Variants in DPP6 observed in about 807,000 individuals in gnomAD.
The protein encoded by DPP6 is A-type potassium channel modulatory protein DPP6.
Under a neutral mutation model 122.6 loss-of-function variants are expected in DPP6, and 69 were observed. The observed-to-expected ratio is 0.56, with a 90% CI of 0.46 to 0.69. The LOEUF is 0.69. Ranked by LOEUF, DPP6 falls within the 30% of genes least tolerant of loss-of-function variation. The pLI is 0.00. For missense variants in DPP6, 928 were observed against 1,116.9 expected (o/e 0.83, Z 2.41); for synonymous variants, 418 against 433.1 (o/e 0.97, Z 0.43).
chr7:153,872,802 GTCTC>G, the DPP6 span, among the ~76,000 whole-genome samples: 1 of 152,140 alleles, frequency 6.6e-6, no homozygotes, highest in Non-Finnish European at 1.5e-5. Flanking sequence ...TACCTGTACT[GTCTC>G]TCTATTTGTA....
chr7:154,144,541 C>G (rs955826906), intron 1 of DPP6, among the ~76,000 whole-genome samples: 1 of 150,574 alleles, frequency 6.6e-6, no homozygotes, highest in Non-Finnish European at 1.5e-5. Flanking sequence ...TATGACAATG[C>G]CATTTACAGT....
chr7:154,645,282 G>A (rs1345436877), intron 6 of DPP6, among the ~76,000 whole-genome samples: 1 of 151,682 alleles, frequency 6.6e-6, no homozygotes, highest in African/African-American at 2.4e-5. Flanking sequence ...AGCCAGGATG[G>A]TCTCGATCTC....
intron 4 of DPP6, among the ~76,000 whole-genome samples, chr7:154,544,923 G>A (rs568513830): frequency 2.0e-5 from 3 of 152,258 alleles, no homozygotes; most frequent in Middle Eastern, 3.4e-3. Context: ...GCATGTGGGC[G>A]GCTGCGTGGG....
chr7:154,136,448 G>C (rs1795560562), intron 1 of DPP6, among the ~76,000 whole-genome samples: 1 of 152,164 alleles, frequency 6.6e-6, no homozygotes, highest in African/African-American at 2.4e-5. Flanking sequence ...GTTTTTTACA[G>C]GGGAACCACA....
At chr7:153,799,065 T>C in the DPP6 span, among the ~76,000 whole-genome samples, 2 of 152,086 alleles carry the variant, frequency 1.3e-5, no homozygotes, top group Non-Finnish European at 1.5e-5. Context: ...CTCTAGGAGG[T>C]GTGCGGCCCT....
At chr7:154,629,759 G>C (rs145178202) in intron 5 of DPP6, among the ~76,000 whole-genome samples, 184 of 152,234 alleles carry the variant, frequency 1.2e-3, no homozygotes, top group African/African-American at 3.8e-3. Flanking sequence ...TCCATGCTGG[G>C]GAGCTCACCA....
intron 1 of DPP6, among the ~76,000 whole-genome samples, chr7:154,201,216 C>G (rs1380244054): frequency 6.6e-6 from 1 of 152,060 alleles, no homozygotes; most frequent in African/African-American, 2.4e-5. Context: ...CAACCTCCGC[C>G]TCCTGGATTC....
At chr7:154,876,171 C>CA (rs773875469) in intron 20 of DPP6, 71 bp downstream of exon 20, 6 of 1,464,912 alleles carry the variant, frequency 4.1e-6, no homozygotes, top group Non-Finnish European at 5.4e-6. Context: ...GCACCGCAGT[C>CA]ACAGTGCGGG....
In DPP6 at chr7:154,833,595, C is replaced by T. The variant is rs561707082; in HGVS notation, c.1667-20185C>T. Reference sequence around the variant, plus strand: ...TGCTGACATTGATGCTGATGTCATCCGTCATTGTAGCTCCGACTCTGACTC... The same window carrying T: ...TGCTGACATTGATGCTGATGTCATCTGTCATTGTAGCTCCGACTCTGACTC... On this transcript the variant is annotated intron_variant, in intron 16 of 25. Coordinates refer to ENST00000377770, the MANE Select transcript of DPP6 (RefSeq NM_130797.4). The surrounding 1 kb of genome is among the most constrained non-coding windows in gnomAD (Gnocchi z 4.3). 3.9e-5 allele frequency among the ~76,000 whole-genome samples: 6 copies of T among 152,088 alleles called. No individual in the cohort carries two copies. Among genetic ancestry groups the T allele is most frequent in the Non-Finnish European group, 8.8e-5 (6 of 68,038 alleles).
At chr7:154,187,089 G>C (rs1798387195) in intron 1 of DPP6, among the ~76,000 whole-genome samples, 1 of 152,200 alleles carries the variant, frequency 6.6e-6, no homozygotes, top group African/African-American at 2.4e-5. Flanking sequence ...TTTGAAGGAA[G>C]CACCTCTAAT....
chr7:154,268,399 C>T (rs902178302), intron 1 of DPP6, among the ~76,000 whole-genome samples: 2 of 152,186 alleles, frequency 1.3e-5, no homozygotes, highest in Non-Finnish European at 2.9e-5. Flanking sequence ...GGTGAGGGCC[C>T]GTTCCTCATT....
At chr7:154,795,130 C>T (rs1425857399) in intron 11 of DPP6, among the ~76,000 whole-genome samples, 1 of 152,110 alleles carries the variant, frequency 6.6e-6, no homozygotes, top group East Asian at 1.9e-4. Context: ...AAGCAGGCAG[C>T]TAAAAATGGC....
chr7:153,905,219 A>G (rs1433885765), intron 1 of DPP6, among the ~76,000 whole-genome samples: 1 of 152,164 alleles, frequency 6.6e-6, no homozygotes, highest in Non-Finnish European at 1.5e-5. Context: ...TTGGAGTAGT[A>G]GTTTTAGGTT....
the DPP6 span, among the ~76,000 whole-genome samples, chr7:153,841,473 T>C: frequency 6.6e-6 from 1 of 152,206 alleles, no homozygotes; most frequent in African/African-American, 2.4e-5. Context: ...CTCATTTTTC[T>C]TGTGCTGAAT....
At position 154,080,059 on chromosome 7, in the gene DPP6, G is replaced by A. The variant is rs545490540; in HGVS notation, c.243+26996G>A. Among the ~76,000 whole-genome samples the A allele has an allele frequency of 3.1e-3, 461 of 151,122 alleles. 3 individuals are homozygous for A. The highest frequency in any genetic ancestry group is 0.01 in the African/African-American group (429 of 41,208). ...CCACACGAGATAGCGCAGGCTGGGG[G>A]ATGTGCAGGAGCTGTCATCAGAAGC... On this transcript the variant is annotated intron_variant, in intron 1 of 25. Transcript: ENST00000377770.
At chr7:154,230,856 G>C (rs926682728) in intron 1 of DPP6, among the ~76,000 whole-genome samples, 1 of 152,216 alleles carries the variant, frequency 6.6e-6, no homozygotes, top group Non-Finnish European at 1.5e-5. Flanking sequence ...TAGAATTAAA[G>C]TAAAACAAAG....
At chr7:154,731,155 A>G (rs1842322269) in intron 8 of DPP6, among the ~76,000 whole-genome samples, 1 of 152,104 alleles carries the variant, frequency 6.6e-6, no homozygotes, top group Admixed American at 6.5e-5. Context: ...CTACTCTGTG[A>G]CTTAACTGTT....
Position 154,062,251 on chromosome 7 carries a change from G to A in DPP6, c.243+9188G>A, listed in dbSNP as rs367686646. On this transcript the variant is annotated intron_variant, in intron 1 of 25. Transcript: ENST00000377770. ...AAGTAGAAAGTTCAAATCTTCTGAC[G>A]GCAGGTACCTTACGTGGGATTACTG... Among the ~76,000 whole-genome samples, 81 of 91,306 alleles carry A rather than the reference G, an allele frequency of 8.9e-4. 22 individuals are homozygous for A. Among genetic ancestry groups the A allele is most frequent in the Admixed American group, 2.8e-3 (25 of 8,952 alleles). 59.9% of individuals were successfully genotyped at this position (91,306 alleles called of 152,430 possible).
the DPP6 span, among the ~76,000 whole-genome samples, chr7:153,792,741 T>C: frequency 6.6e-6 from 1 of 151,126 alleles, no homozygotes; most frequent in Non-Finnish European, 1.5e-5. Flanking sequence ...TGATATTGTC[T>C]GGCTGTGTCC....
Sources: allele counts gnomAD v4.1 joint callset (sites outside exome capture counted in the v4.1 genomes callset), GRCh38; gene constraint gnomAD v4.1.1; non-coding constraint Gnocchi (gnomAD v3.1); transcripts MANE v1.5; gene names NCBI Gene and HGNC (gene_info 2026-07-23, HGNC 2026-07-21).